The following LMX1B variants were observed in gnomAD, a reference collection of about 807,000 sequenced individuals.
LMX1B encodes LIM homeobox transcription factor 1 beta.
LMX1B carries 12 observed loss-of-function variants against 51.4 expected under a neutral mutation model. The observed-to-expected ratio is 0.23, with a 90% CI of 0.15 to 0.38. The LOEUF is 0.38. Ranked by LOEUF, LMX1B falls within the 10% of genes least tolerant of loss-of-function variation. The pLI, the probability that LMX1B is intolerant of heterozygous loss-of-function variation, is 1.00. For missense variants in LMX1B, 445 were observed against 571.1 expected (o/e 0.78, Z 2.25); for synonymous variants, 237 against 235.4 (o/e 1.01, Z -0.06).
At chr9:126,645,890 T>TGAGG (rs755707603) in intron 2 of LMX1B, among the ~76,000 whole-genome samples, 55 of 152,086 alleles carry the variant, frequency 3.6e-4, no homozygotes, top group Middle Eastern at 3.4e-3. Flanking sequence ...GAGAAGCCGC[T>TGAGG]GAGGGAGGGA....
rs76555934 is a variant in LMX1B, at chr9:126,658,452, C to G, written c.327-32384C>G. ...CCTGCCGCCTGCCAGCCCCCTCCCT[C>G]TGGTCCACATTCCCAGCTCCTGATT... On this transcript the variant is annotated intron_variant, in intron 2 of 7. Transcript: ENST00000373474. This position sits in a 1 kb window ranked among gnomAD's most constrained non-coding sequence, Gnocchi z 4.0. 0.011 allele frequency among the ~76,000 whole-genome samples: 1,696 copies of G among 152,244 alleles called. 42 individuals are homozygous for G. Among genetic ancestry groups the G allele is most frequent in the African/African-American group, 0.038 (1,572 of 41,542 alleles).
chr9:126,640,773 G>C (rs1835794449), intron 2 of LMX1B: 1 of 152,304 alleles, frequency 6.6e-6, no homozygotes, highest in African/African-American at 2.4e-5. Context: ...CCCAGAGCAA[G>C]CTGGAGGCTC....
chr9:126,638,230 G>A (rs916078149), intron 2 of LMX1B, among the ~76,000 whole-genome samples: 3 of 152,278 alleles, frequency 2.0e-5, no homozygotes, highest in Admixed American at 2.0e-4. Context: ...TCCGGTGGGG[G>A]TGCCCTGCTG....
chr9:126,646,880 A>T (rs143743252), intron 2 of LMX1B, among the ~76,000 whole-genome samples: 1 of 151,278 alleles, frequency 6.6e-6, no homozygotes, highest in East Asian at 1.9e-4. Flanking sequence ...CTGAGGTCAC[A>T]GTCTAACAAG....
rs1564142935 is a variant in LMX1B, at chr9:126,614,014, TGCGCCCCGCCCGGGACCCCGCTGCGCCGC to T, written c.-428_-400del. Among the ~76,000 whole-genome samples the T allele has an allele frequency of 7.4e-6, 1 of 135,168 alleles. No homozygotes were observed. The highest frequency in any genetic ancestry group is 2.7e-5 in the African/African-American group (1 of 37,148). 88.7% of individuals were successfully genotyped at this position (135,168 alleles called of 152,430 possible). A position where few individuals can be genotyped will look rare whatever the true frequency, so the allele number is the denominator to read the frequency against. On this transcript the variant is annotated 5_prime_UTR_variant, in exon 1 of 8. Transcript: ENST00000373474. The stretch of plus-strand genomic sequence containing the variant: ...GCGCGCCCGGAGCCCCGCGGCCCGC[TGCGCCCCGCCCGGGACCCCGCTGCGCCGC>T]GCGCCCCCCCCGCGGCCCGCGGGGC...
intron 3 of LMX1B, among the ~76,000 whole-genome samples, chr9:126,692,344 C>G (rs533862159): frequency 1.3e-5 from 2 of 152,206 alleles, no homozygotes; most frequent in South Asian, 4.1e-4. Context: ...TGGGGGGCAG[C>G]GGGAGGCCCA....
chr9:126,686,796 C>T (rs1011967356), intron 2 of LMX1B, among the ~76,000 whole-genome samples: 7 of 152,114 alleles, frequency 4.6e-5, no homozygotes, highest in African/African-American at 1.7e-4. Context: ...TTTCTGTGCT[C>T]ATCTGTAAAA....
intron 2 of LMX1B, among the ~76,000 whole-genome samples, chr9:126,667,137 C>G (rs3850584): frequency 0.99 from 150,419 of 152,346 alleles, 74,264 homozygotes; most frequent in East Asian, 1. Flanking sequence ...TTGACAGATG[C>G]GTAACGTTCC....
chr9:126,680,649 G>A (rs1463865272), intron 2 of LMX1B, among the ~76,000 whole-genome samples: 3 of 152,162 alleles, frequency 2.0e-5, no homozygotes, highest in African/African-American at 7.2e-5. Flanking sequence ...GGAGGAGGAG[G>A]TTCCTACTGC....
At chr9:126,668,216 G>C (rs1215107755) in intron 2 of LMX1B, among the ~76,000 whole-genome samples, 1 of 152,098 alleles carries the variant, frequency 6.6e-6, no homozygotes, top group Non-Finnish European at 1.5e-5. Flanking sequence ...AGCATTGCAG[G>C]GAAAGATCCC....
rs533102997 is a variant in LMX1B at position 126,618,367 on chromosome 9, G to A, written c.326+2798G>A. Among the ~76,000 whole-genome samples, 4 of 152,298 alleles carry A rather than the reference G, an allele frequency of 2.6e-5. No individual in the cohort carries two copies. Among genetic ancestry groups the A allele is most frequent in the African/African-American group, 9.6e-5 (4 of 41,580 alleles). On this transcript the variant is annotated intron_variant, in intron 2 of 7. Transcript: ENST00000373474. The surrounding 1 kb of genome is among the most constrained non-coding windows in gnomAD (Gnocchi z 4.5). The stretch of plus-strand genomic sequence containing the variant: ...AGTGCCAAGTTGTCTTACGCACCAC[G>A]GGGGTGATTAATTGACACTGGGGCA...
chr9:126,696,352 C>A lies in LMX1B; in HGVS notation c.1110C>A (p.Asp370Glu). Residue 370 changes from aspartate (D) to glutamate (E), a missense_variant, in exon 8 of 8, where the codon GAC (aspartate) becomes GAA (glutamate). Asp to Glu is a conservative substitution (Grantham distance 45, BLOSUM62 2). Transcript: ENST00000373474. ...DSDTSLTSLS[D>E]CFLGSSDVGS... ...ATACCTCCTTAACCAGCCTCAGCGACTGCTTCCTCGGCTCCTCAGACGTGG... is the reference window on the plus strand; with the variant it reads ...ATACCTCCTTAACCAGCCTCAGCGAATGCTTCCTCGGCTCCTCAGACGTGG... 2 of 1,614,146 alleles carry A rather than the reference C, an allele frequency of 1.2e-6. No homozygotes were observed. Among genetic ancestry groups the A allele is most frequent in the East Asian group, 4.5e-5 (2 of 44,870 alleles).
In LMX1B at chr9:126,651,161, C is replaced by G. The variant is rs183629634; in HGVS notation, c.326+35592C>G. Among the ~76,000 whole-genome samples the G allele has an allele frequency of 3.9e-5, 6 of 152,170 alleles. No individual in the cohort carries two copies. In the East Asian group the frequency reaches 1.2e-3, roughly 30 times the overall value. ...TCTCTCTCTCCCTCCCCATCTCTCT[C>G]TCTCTCCCTCCTTCTCTCCGTGCTG... On this transcript the variant is annotated intron_variant, in intron 2 of 7. Transcript: ENST00000373474.
intron 2 of LMX1B, among the ~76,000 whole-genome samples, chr9:126,689,703 C>T (rs1464830592): frequency 6.6e-6 from 1 of 151,262 alleles, no homozygotes; most frequent in South Asian, 2.1e-4. Context: ...TCTCCCGGCC[C>T]TCGTTTGTCT....
At chr9:126,686,983 G>A (rs1388923299) in intron 2 of LMX1B, among the ~76,000 whole-genome samples, 1 of 152,186 alleles carries the variant, frequency 6.6e-6, no homozygotes, top group Non-Finnish European at 1.5e-5. Context: ...GGAACCCGGG[G>A]TGGTGGTGAG....
At chr9:126,659,907 G>C (rs1251511655) in intron 2 of LMX1B, among the ~76,000 whole-genome samples, 1 of 151,404 alleles carries the variant, frequency 6.6e-6, no homozygotes, top group African/African-American at 2.4e-5. Context: ...TGGTCTTAGA[G>C]ATTGTCCTGT....
chr9:126,663,577 A>T (rs995967796), intron 2 of LMX1B, among the ~76,000 whole-genome samples: 1 of 152,270 alleles, frequency 6.6e-6, no homozygotes, highest in Non-Finnish European at 1.5e-5. Context: ...GGATAATAGT[A>T]ACCCTTGTCT....
At chr9:126,696,076 C>T (rs2030321054) in intron 7 of LMX1B, 73 bp downstream of exon 7, 6 of 1,284,738 alleles carry the variant, frequency 4.7e-6, no homozygotes, top group Admixed American at 2.8e-5. Flanking sequence ...AGGCCTGGGG[C>T]CAGGACAGCC....
At chr9:126,682,525 T>C (rs111667558) in intron 2 of LMX1B, among the ~76,000 whole-genome samples, 2 of 152,048 alleles carry the variant, frequency 1.3e-5, no homozygotes, top group East Asian at 3.9e-4. Context: ...GTGGGGGCAT[T>C]GGGAGGGGCT....
Sources: gnomAD v4.1 joint callset for allele counts (sites outside exome capture counted in the v4.1 genomes callset) on GRCh38, gnomAD v4.1.1 for gene constraint, Gnocchi (gnomAD v3.1) non-coding constraint, MANE v1.5 for transcripts, NCBI Gene and HGNC (gene_info 2026-07-23, HGNC 2026-07-21) for gene names.